STXBP6: variants seen among roughly 807,000 people sequenced by gnomAD.
STXBP6 encodes the protein syntaxin binding protein 6.
In STXBP6, 21 loss-of-function variants were observed where a neutral mutation model predicts 26.9. That is an observed-to-expected ratio of 0.78 (90% CI 0.55 to 1.12). STXBP6 has a LOEUF of 1.12. Ranked by LOEUF, STXBP6 falls within the 50% of genes most tolerant of loss-of-function variation. STXBP6 has a pLI of 0.00. For synonymous variants in STXBP6, 97 were observed against 92.6 expected, an observed-to-expected ratio of 1.05 and a Z score of -0.27; for missense variants, 232 against 257.9, an observed-to-expected ratio of 0.90 and a Z score of 0.69.
chr14:24,915,002 A>T lies in STXBP6; in HGVS notation c.155-57845T>A, dbSNP rs568084772. Among the ~76,000 whole-genome samples the T allele has an allele frequency of 9.1e-4, 139 of 152,342 alleles. 1 individual carries two copies. Among genetic ancestry groups the T allele is most frequent in the African/African-American group, 3.2e-3 (133 of 41,574 alleles). On this transcript the variant is annotated intron_variant, in intron 2 of 5. Transcript: ENST00000323944. ...CCATTATTATCAGAAGTTATTTATC[A>T]AAAAGTTTGGTTCAACATTGTCTTT...
At chr14:24,876,641 A>G (rs1168245228) in intron 2 of STXBP6, among the ~76,000 whole-genome samples, 1 of 152,194 alleles carries the variant, frequency 6.6e-6, no homozygotes, top group African/African-American at 2.4e-5. Flanking sequence ...GAACACTGAG[A>G]ATCTTACTTC....
intron 5 of STXBP6, among the ~76,000 whole-genome samples, chr14:24,818,514 C>T (rs944272870): frequency 1.3e-5 from 2 of 152,132 alleles, no homozygotes; most frequent in African/African-American, 4.8e-5. Flanking sequence ...AAATAACAAT[C>T]GACCCCTCTC....
At chr14:24,820,790 C>G (rs1001611251) in intron 4 of STXBP6, among the ~76,000 whole-genome samples, 1 of 152,168 alleles carries the variant, frequency 6.6e-6, no homozygotes, top group African/African-American at 2.4e-5. Context: ...GGTTAAGAGG[C>G]TTGCACAATA....
At chr14:25,028,967 C>T (rs1428465476) in intron 1 of STXBP6, among the ~76,000 whole-genome samples, 2 of 152,160 alleles carry the variant, frequency 1.3e-5, no homozygotes, top group African/African-American at 4.8e-5. Flanking sequence ...GAAGATGTGA[C>T]TACGTTGTGC....
chr14:24,829,774 A>C (rs1479013013), intron 4 of STXBP6, among the ~76,000 whole-genome samples: 4 of 151,874 alleles, frequency 2.6e-5, no homozygotes, highest in Non-Finnish European at 5.9e-5. Context: ...TACTCTCCAC[A>C]CACATTGTCC....
intron 2 of STXBP6, among the ~76,000 whole-genome samples, chr14:24,968,169 G>T (rs1414456863): frequency 1.6e-4 from 21 of 131,472 alleles, no homozygotes; most frequent in Non-Finnish European, 2.5e-4. Context: ...ATATAATAAA[G>T]AATATATATA....
intron 1 of STXBP6, among the ~76,000 whole-genome samples, chr14:25,036,505 C>T (rs1480079285): frequency 6.6e-6 from 1 of 152,120 alleles, no homozygotes; most frequent in African/African-American, 2.4e-5. Flanking sequence ...CATTAACCCA[C>T]TGGGTCTTGG....
intron 4 of STXBP6, among the ~76,000 whole-genome samples, chr14:24,820,665 A>G (rs1239858452): frequency 6.6e-6 from 1 of 152,236 alleles, no homozygotes; most frequent in Non-Finnish European, 1.5e-5. Flanking sequence ...AACTATGATA[A>G]TAACCCATCC....
chr14:24,950,124 T>C (rs1484301406), intron 2 of STXBP6, among the ~76,000 whole-genome samples: 1 of 152,158 alleles, frequency 6.6e-6, no homozygotes, highest in Non-Finnish European at 1.5e-5. Context: ...CTTATACCTG[T>C]CAAATTTCAA....
chr14:24,974,636 T>A (rs894088895), intron 2 of STXBP6, 29 bp downstream of exon 2: 3 of 1,521,396 alleles, frequency 2.0e-6, no homozygotes, highest in Non-Finnish European at 2.7e-6. Flanking sequence ...GAAGTTATTT[T>A]AATAATATTA....
intron 1 of STXBP6, among the ~76,000 whole-genome samples, chr14:24,990,017 G>C (rs1412042489): frequency 1.3e-5 from 2 of 152,210 alleles, no homozygotes; most frequent in Admixed American, 1.3e-4. Context: ...GGAGACAATG[G>C]TTTTTAAATG....
intron 2 of STXBP6, among the ~76,000 whole-genome samples, chr14:24,945,786 T>C (rs963415837): frequency 7.2e-5 from 11 of 152,170 alleles, no homozygotes; most frequent in African/African-American, 2.7e-4. Flanking sequence ...GCTTTATATA[T>C]AGTAAAAACA....
chr14:24,869,932 T>C (rs2069867642), intron 2 of STXBP6, among the ~76,000 whole-genome samples: 1 of 152,162 alleles, frequency 6.6e-6, no homozygotes. Context: ...TCCAGCTTTT[T>C]GGTGTCTACA....
rs191005216 is a variant in STXBP6 at position 24,903,286 on chromosome 14, G to A, written c.155-46129C>T. On this transcript the variant is annotated intron_variant, in intron 2 of 5. Transcript: ENST00000323944. Reference sequence around the variant, plus strand: ...AGACAGTGGTGAGCATATGCTGGATGATGTACTCTGAGAATCAAGATCACA... The same window carrying A: ...AGACAGTGGTGAGCATATGCTGGATAATGTACTCTGAGAATCAAGATCACA... 2.2e-3 allele frequency among the ~76,000 whole-genome samples: 333 copies of A among 152,254 alleles called. 1 individual carries two copies. Among genetic ancestry groups the A allele is most frequent in the South Asian group, 0.012 (57 of 4,822 alleles).
intron 1 of STXBP6, among the ~76,000 whole-genome samples, chr14:24,994,100 C>G (rs1331469922): frequency 1.3e-5 from 2 of 152,172 alleles, no homozygotes; most frequent in Non-Finnish European, 2.9e-5. Flanking sequence ...CAGGTAGTAT[C>G]TGAAATACAT....
chr14:24,851,460 T>C (rs2069153173), intron 4 of STXBP6, among the ~76,000 whole-genome samples: 1 of 149,858 alleles, frequency 6.7e-6, no homozygotes, highest in Non-Finnish European at 1.5e-5. Flanking sequence ...ACTGTTCAAT[T>C]CCCACCTATG....
chr14:24,892,575 T>C (rs1269937486), intron 2 of STXBP6, among the ~76,000 whole-genome samples: 1 of 152,142 alleles, frequency 6.6e-6, no homozygotes, highest in Non-Finnish European at 1.5e-5. Flanking sequence ...AGAAAAGTCA[T>C]GCAGAGGGCA....
chr14:24,833,612 G>A (rs2068523503), intron 4 of STXBP6, among the ~76,000 whole-genome samples: 1 of 152,074 alleles, frequency 6.6e-6, no homozygotes, highest in African/African-American at 2.4e-5. Flanking sequence ...TATTTTCATT[G>A]GCATTCATCT....
rs1357238826 is a variant in STXBP6 at position 25,010,780 on chromosome 14, T to TC, written c.-32-35931dup. 3.3e-5 allele frequency: 5 copies of TC among 152,306 alleles called. No homozygotes were observed. The East Asian group carries it at 9.6e-4, about 29-fold the overall frequency. 9.4% of individuals were successfully genotyped at this position (152,306 alleles called of 1,614,324 possible). A position where few individuals can be genotyped will look rare whatever the true frequency, so the allele number is the denominator to read the frequency against. On this transcript the variant is annotated intron_variant, in intron 1 of 5. Coordinates refer to ENST00000323944, the MANE Select transcript of STXBP6 (RefSeq NM_001394410.1). ...CGGGTCTGTTTGATGATTTTTTTTT[T>TC]CTTTTCTTTGGGGGATAGGATTTGG...
Sources: allele counts gnomAD v4.1 joint callset (sites outside exome capture counted in the v4.1 genomes callset), GRCh38; gene constraint gnomAD v4.1.1; transcripts MANE v1.5; gene names NCBI Gene and HGNC (gene_info 2026-07-23, HGNC 2026-07-21).